PTP4A3: variants seen among roughly 807,000 people sequenced by gnomAD.
PTP4A3 encodes protein tyrosine phosphatase type IVA 3.
A neutral mutation model predicts 15.2 loss-of-function variants in PTP4A3; 9 were observed. The observed-to-expected ratio is 0.59, with a 90% CI of 0.36 to 1.03. The LOEUF (loss-of-function observed/expected upper bound fraction) is 1.03, where lower values mean the gene tolerates loss of function less well. PTP4A3 is among the 50% of genes least tolerant of loss of function. The pLI is 0.02. For synonymous variants in PTP4A3, 95 were observed against 102.0 expected (o/e 0.93, Z 0.41); for missense variants, 234 against 252.1 (o/e 0.93, Z 0.49).
chr8:141,402,905 G>A (rs376110893), intron 1 of PTP4A3, among the ~76,000 whole-genome samples: 5 of 152,286 alleles, frequency 3.3e-5, no homozygotes, highest in South Asian at 2.1e-4. Flanking sequence ...AGGTGCCTGC[G>A]GGCAGCCCGG....
rs6987971 is a variant in PTP4A3 at position 141,432,438 on chromosome 8, A to G, written c.*1394A>G. On this transcript the variant is annotated 3_prime_UTR_variant, in exon 6 of 6. Transcript: ENST00000521578. Reference sequence around the variant, plus strand: ...ACACATTTGGAACTCAAGTAAATCCAATGCATGTTGGGTGAAGTTTGCTGT... The same window carrying G: ...ACACATTTGGAACTCAAGTAAATCCGATGCATGTTGGGTGAAGTTTGCTGT... 0.61 allele frequency: 91,952 copies of G among 151,898 alleles called. 28,313 individuals carry two copies. Among genetic ancestry groups the G allele is most frequent in the Non-Finnish European group, 0.67 (45,438 of 67,950 alleles). The allele number at this position is 151,898 out of a possible 1,614,324, so 9.4% of individuals were successfully genotyped here. A position where few individuals can be genotyped will look rare whatever the true frequency, so the allele number is the denominator to read the frequency against.
chr8:141,412,418 G>A (rs1187428423), intron 1 of PTP4A3, among the ~76,000 whole-genome samples: 1 of 152,216 alleles, frequency 6.6e-6, no homozygotes, highest in Non-Finnish European at 1.5e-5. Flanking sequence ...CCGTGAAGGT[G>A]CTGGGTGGGG....
intron 5 of PTP4A3, 36 bp from the exon 6 acceptor site, chr8:141,430,881 GAGCCAGGTCC>G (rs769547843): frequency 6.3e-7 from 1 of 1,595,446 alleles, no homozygotes; most frequent in Non-Finnish European, 8.6e-7. Flanking sequence ...TGAGATGGCC[GAGCCAGGTCC>G]TTGGATGATC....
At position 141,422,319 on chromosome 8, in the gene PTP4A3, A is replaced by G. The variant is rs746936080; in HGVS notation, c.79A>G (p.Asn27Asp). Reference protein sequence around the residue: ...MRFLITHNPTNATLSTFIEDL... With the variant: ...MRFLITHNPTDATLSTFIEDL... ...CTTCCTCATCACCCACAACCCCACCAACGCCACGCTCAGCACCTTCATTGA... is the reference window on the plus strand; with the variant it reads ...CTTCCTCATCACCCACAACCCCACCGACGCCACGCTCAGCACCTTCATTGA... The change falls in exon 2 of 6, where the codon AAC (asparagine) becomes GAC (aspartate). Residue 27 changes from asparagine (N) to aspartate (D), a missense_variant. Transcript: ENST00000521578. 3 of 1,613,444 alleles carry G rather than the reference A, an allele frequency of 1.9e-6. No individual in the cohort carries two copies. The highest frequency in any genetic ancestry group is 2.2e-5 in the East Asian group (1 of 44,872).
At chr8:141,411,726 A>C (rs1018531864) in intron 1 of PTP4A3, among the ~76,000 whole-genome samples, 1 of 152,140 alleles carries the variant, frequency 6.6e-6, no homozygotes, top group African/African-American at 2.4e-5. Flanking sequence ...GGCTAGCTCC[A>C]TGATCTCGAT....
intron 1 of PTP4A3, among the ~76,000 whole-genome samples, chr8:141,402,105 G>T (rs1832608962): frequency 6.6e-6 from 1 of 152,216 alleles, no homozygotes; most frequent in Non-Finnish European, 1.5e-5. Flanking sequence ...TTGGGGAGAG[G>T]GGTGCCAGCA....
chr8:141,421,152 G>T (rs890870035), intron 1 of PTP4A3, among the ~76,000 whole-genome samples: 38 of 152,248 alleles, frequency 2.5e-4, no homozygotes, highest in African/African-American at 8.0e-4. Flanking sequence ...TGCTGGCTGT[G>T]TGGTGGCTAC....
chr8:141,426,935 G>T lies in PTP4A3; in HGVS notation c.199-4G>T, dbSNP rs557612532. On this transcript the variant is annotated splice_region_variant and splice_polypyrimidine_tract_variant and intron_variant, in intron 3 of 5. Coordinates refer to ENST00000521578, the MANE Select transcript of PTP4A3 (RefSeq NM_032611.3). ...GGGGTCCTCATGTCTGCTTCCCTCC[G>T]TAGGACTGGCCGTTTGACGATGGGG... is the stretch of plus-strand genomic sequence containing the variant. 3 of 1,610,926 alleles carry T rather than the reference G, an allele frequency of 1.9e-6. No individual in the cohort carries two copies. The highest frequency in any genetic ancestry group is 1.3e-5 in the African/African-American group (1 of 74,900).
intron 1 of PTP4A3, among the ~76,000 whole-genome samples, chr8:141,408,543 C>T (rs989759908): frequency 1.5e-4 from 23 of 151,116 alleles, no homozygotes; most frequent in African/African-American, 3.9e-4. Context: ...TGCTTGAACC[C>T]GGGGGCGGAG....
At position 141,427,694 on chromosome 8, in the gene PTP4A3, C is replaced by T. The variant is rs527529183; in HGVS notation, c.330-56C>T. 61 of 1,472,606 alleles carry T rather than the reference C, an allele frequency of 4.1e-5. No individual in the cohort carries two copies. The African/African-American group carries it at 7.0e-4, about 17-fold the overall frequency. 91.2% of individuals were successfully genotyped at this position (1,472,606 alleles called of 1,614,324 possible). A position where few individuals can be genotyped will look rare whatever the true frequency, so the allele number is the denominator to read the frequency against. ...CCTGCATCTTCAGCAGGTGCCCTGC[C>T]AAGGGGACAGGGGTGCGCAGGCTCC... is the stretch of plus-strand genomic sequence containing the variant. On this transcript the variant is annotated intron_variant, in intron 4 of 5. Coordinates refer to ENST00000521578, the MANE Select transcript of PTP4A3 (RefSeq NM_032611.3).
chr8:141,426,120 A>T (rs1397752494), intron 3 of PTP4A3, among the ~76,000 whole-genome samples: 5 of 152,090 alleles, frequency 3.3e-5, no homozygotes, highest in African/African-American at 1.2e-4. Flanking sequence ...GAGGCTGGGG[A>T]GGGGTGAGAT....
chr8:141,416,026 C>T (rs1307506148), intron 1 of PTP4A3, among the ~76,000 whole-genome samples: 1 of 152,044 alleles, frequency 6.6e-6, no homozygotes, highest in Non-Finnish European at 1.5e-5. Flanking sequence ...GGGGCTGTGC[C>T]AGCTGCAGCA....
intron 3 of PTP4A3, chr8:141,426,666 T>G (rs557673450): frequency 7.5e-5 from 74 of 985,382 alleles, no homozygotes; most frequent in Non-Finnish European, 8.0e-5. Flanking sequence ...TGGAGCAGGC[T>G]CTATTCAGAA....
At chr8:141,423,935 T>C (rs114716570) in intron 2 of PTP4A3, among the ~76,000 whole-genome samples, 5,027 of 149,400 alleles carry the variant, frequency 0.034, 269 homozygotes, top group African/African-American at 0.12. Flanking sequence ...CAGCACGTGA[T>C]CAGGATTAGG....
intron 1 of PTP4A3, among the ~76,000 whole-genome samples, chr8:141,410,606 A>G (rs1381955169): frequency 1.3e-5 from 2 of 152,240 alleles, no homozygotes; most frequent in African/African-American, 2.4e-5. Flanking sequence ...TCCCAGGAGA[A>G]AACCAAGGGC....
At chr8:141,419,083 G>C (rs1447177087) in intron 1 of PTP4A3, among the ~76,000 whole-genome samples, 7 of 152,140 alleles carry the variant, frequency 4.6e-5, no homozygotes, top group African/African-American at 1.7e-4. Context: ...CCTGAGCGTA[G>C]CCCAGGCTAA....
intron 2 of PTP4A3, among the ~76,000 whole-genome samples, chr8:141,423,390 G>T (rs1328526911): frequency 6.6e-6 from 1 of 152,232 alleles, no homozygotes; most frequent in Non-Finnish European, 1.5e-5. Context: ...CTGGGATCAG[G>T]GTTAAGTCTG....
chr8:141,392,955 G>C (rs568668243), intron 1 of PTP4A3, among the ~76,000 whole-genome samples: 1 of 152,192 alleles, frequency 6.6e-6, no homozygotes, highest in Non-Finnish European at 1.5e-5. Flanking sequence ...CTCTGCCTGC[G>C]GGCTCTGGGG....
intron 1 of PTP4A3, among the ~76,000 whole-genome samples, chr8:141,419,105 C>T (rs910178936): frequency 3.9e-5 from 6 of 152,128 alleles, no homozygotes; most frequent in South Asian, 2.1e-4. Flanking sequence ...CCCCTGATTC[C>T]GGCAGATGTG....
Sources: allele counts gnomAD v4.1 joint callset (sites outside exome capture counted in the v4.1 genomes callset), GRCh38; gene constraint gnomAD v4.1.1; transcripts MANE v1.5; gene names NCBI Gene and HGNC (gene_info 2026-07-23, HGNC 2026-07-21).